The following NLRC3 variants were observed in gnomAD, a reference collection of about 807,000 sequenced individuals.
NLRC3 encodes the protein NLR family CARD domain-containing protein 3.
In NLRC3, 87 loss-of-function variants were observed where a neutral mutation model predicts 91.6. That is an observed-to-expected ratio of 0.95 (90% confidence interval 0.80 to 1.14). NLRC3 has a LOEUF of 1.14. Ranked by LOEUF, NLRC3 falls within the 50% of genes most tolerant of loss-of-function variation. The probability of loss-of-function intolerance (pLI) is 0.00; values close to 1 mark genes in which losing one functional copy is unlikely to be tolerated. For synonymous variants in NLRC3, 694 were observed against 625.3 expected, an observed-to-expected ratio of 1.11 and a Z score of -1.64; for missense variants, 1,577 against 1,418.6, an observed-to-expected ratio of 1.11 and a Z score of -1.79.
chr16:3,541,713 G>T lies in NLRC3; in HGVS notation c.*112C>A. On this transcript the variant is annotated 3_prime_UTR_variant, in exon 20 of 20. Coordinates refer to ENST00000359128, the MANE Select transcript of NLRC3 (RefSeq NM_178844.4). The stretch of plus-strand genomic sequence containing the variant: ...TTCCTCCCTGCAGAGCCCGGCTCTC[G>T]TGCTGAGCAAGCAGCGTTCCCAGCT... The T allele has an allele frequency of 1.4e-6, 1 of 719,890 alleles. No individual in the cohort carries two copies. 44.6% of individuals were successfully genotyped at this position (719,890 alleles called of 1,614,324 possible). A position where few individuals can be genotyped will look rare whatever the true frequency, so the allele number is the denominator to read the frequency against.
chr16:3,571,696 C>T (rs2040103817), intron 1 of NLRC3, among the ~76,000 whole-genome samples: 1 of 151,746 alleles, frequency 6.6e-6, no homozygotes, highest in Admixed American at 6.6e-5. Context: ...AATCCCAGCA[C>T]TTTGGGAGGC....
chr16:3,558,973 T>C (rs1362283753), intron 6 of NLRC3, among the ~76,000 whole-genome samples: 1 of 152,172 alleles, frequency 6.6e-6, no homozygotes, highest in Non-Finnish European at 1.5e-5. Flanking sequence ...GGTTTTACTT[T>C]GTTGCCGAGG....
In NLRC3 at chr16:3,563,222, T is replaced by C. The variant is rs769666384; in HGVS notation, c.1715A>G (p.His572Arg). The C allele has an allele frequency of 1.2e-6, 2 of 1,602,882 alleles. No homozygotes were observed. Among genetic ancestry groups the C allele is most frequent in the East Asian group, 4.5e-5 (2 of 44,538 alleles). The change falls in exon 5 of 20, where the codon CAT (histidine) becomes CGT (arginine). Residue 572 changes from histidine (H) to arginine (R), a missense_variant. His to Arg is a conservative substitution (Grantham distance 29, BLOSUM62 0). Coordinates refer to ENST00000359128, the MANE Select transcript of NLRC3 (RefSeq NM_178844.4). ...ARAINVLHCL[H>R]ELQHTELARS... ...GGCCAGCTCGGTGTGCTGCAGCTCA[T>C]GCAGGCAGTGCAACACGTTGATGGC...
Position 3,564,183 on chromosome 16 carries a change from T to A in NLRC3, c.754A>T (p.Ile252Phe), listed in dbSNP as rs2039763218. The change falls in exon 5 of 20, where the codon ATC becomes TTC. Residue 252 changes from isoleucine (I) to phenylalanine (F), a missense_variant. Coordinates refer to ENST00000359128, the MANE Select transcript of NLRC3 (RefSeq NM_178844.4). This position sits in a 1 kb window ranked among gnomAD's most constrained non-coding sequence, Gnocchi z 5.9. ...TCCGGAAAGAGGTTGCCACGGATGA[T>A]GTTGGTGATCAGGTGGTCCACCGGG... is the stretch of plus-strand genomic sequence containing the variant. ...EIPVDHLITN[I>F]IRGNLFPEVS... The A allele has an allele frequency of 6.2e-7, 1 of 1,613,550 alleles. No homozygotes were observed. The highest frequency in any genetic ancestry group is 8.5e-7 in the Non-Finnish European group (1 of 1,179,886).
rs781190994 is a variant in NLRC3 at position 3,563,549 on chromosome 16, G to T, written c.1388C>A (p.Ala463Glu). 11 of 1,610,960 alleles carry T rather than the reference G, an allele frequency of 6.8e-6. No homozygotes were observed. In the South Asian group the frequency reaches 1.1e-4, roughly 16 times the overall value. Reference sequence around the variant, plus strand: ...GGATGCGCCATAGTAATACGCGGCTGCCACAAACTCCTGCAGGGACAGGTG... The same window carrying T: ...GGATGCGCCATAGTAATACGCGGCTTCCACAAACTCCTGCAGGGACAGGTG... The part of the protein sequence containing the change: ...FTHLSLQEFV[A>E]AAYYYGASRR... The change falls in exon 5 of 20, where the codon GCA (alanine) becomes GAA (glutamate). Residue 463 changes from alanine (A) to glutamate (E), a missense_variant. Physicochemically the swap from Ala to Glu is moderately radical, Grantham distance 107. Transcript: ENST00000359128.
Position 3,564,513 on chromosome 16 carries a change from T to C in NLRC3, c.424A>G (p.Ile142Val), listed in dbSNP as rs773553932. ...SRVSVPPRVS[I>V]TIGVAGMGKT... Reference sequence around the variant, plus strand: ...CCCATGCCGGCCACCCCGATAGTGATGGAGACCCGGGGTGGGACAGACACC... The same window carrying C: ...CCCATGCCGGCCACCCCGATAGTGACGGAGACCCGGGGTGGGACAGACACC... Residue 142 changes from isoleucine (I) to valine (V), a missense_variant, in exon 5 of 20, where the codon ATC (isoleucine) becomes GTC (valine). Ile to Val is a conservative substitution (Grantham distance 29). Transcript: ENST00000359128. This position sits in a 1 kb window ranked among gnomAD's most constrained non-coding sequence, Gnocchi z 5.9. The C allele has an allele frequency of 5.0e-6, 8 of 1,612,180 alleles. No homozygotes were observed. The Admixed American group carries it at 1.0e-4, about 20-fold the overall frequency.
rs375055733 is a variant in NLRC3, at chr16:3,543,527, C to A, written c.2856-19G>T. On this transcript the variant is annotated intron_variant, in intron 16 of 19. Coordinates refer to ENST00000359128, the MANE Select transcript of NLRC3 (RefSeq NM_178844.4). ...CTGGAGACTGGGGCGGAGAGGGTGCCGTCAGTGTGAGCCGGCTGGGCCCAC... is the reference window on the plus strand; with the variant it reads ...CTGGAGACTGGGGCGGAGAGGGTGCAGTCAGTGTGAGCCGGCTGGGCCCAC... 1.1e-5 allele frequency: 17 copies of A among 1,599,264 alleles called. No individual in the cohort carries two copies. Among genetic ancestry groups the A allele is most frequent in the Non-Finnish European group, 1.0e-5 (12 of 1,170,024 alleles).
chr16:3,542,448 T>G (rs939349808), intron 18 of NLRC3, among the ~76,000 whole-genome samples, 174 bp from the exon 19 acceptor site: 1 of 152,142 alleles, frequency 6.6e-6, no homozygotes, highest in African/African-American at 2.4e-5. Flanking sequence ...AGTGGCCAGA[T>G]TGTCCCACGC....
chr16:3,563,797 G>T lies in NLRC3; in HGVS notation c.1140C>A (p.Gly380=), dbSNP rs562673012. 189 of 1,611,806 alleles carry T rather than the reference G, an allele frequency of 1.2e-4. No homozygotes were observed. In the South Asian group the frequency reaches 2.0e-3, roughly 17 times the overall value. ...CCTGCTCGATGCGAGGGCTTGCCTTGCCCTTCTCCTGCCCCTCCCCGCTGA... is the reference window on the plus strand; with the variant it reads ...CCTGCTCGATGCGAGGGCTTGCCTTTCCCTTCTCCTGCCCCTCCCCGCTGA... ...MALSGEGQEK[G]KASPRIEQVA... is the part of the protein sequence containing the mutation. The change falls in exon 5 of 20, where the codon GGC becomes GGA. Residue 380 remains glycine (G), a synonymous_variant. Transcript: ENST00000359128.
rs1365801375 is a variant in NLRC3 at position 3,542,743 on chromosome 16, G to A, written c.2972C>T (p.Ala991Val). 1.9e-6 allele frequency: 3 copies of A among 1,609,876 alleles called. No homozygotes were observed. The highest frequency in any genetic ancestry group is 2.7e-5 in the African/African-American group (2 of 74,856). The change falls in exon 18 of 20, where the codon GCC becomes GTC. Residue 991 changes from alanine (A) to valine (V), a missense_variant. Physicochemically the swap from Ala to Val is moderately conservative, Grantham distance 64. Coordinates refer to ENST00000359128, the MANE Select transcript of NLRC3 (RefSeq NM_178844.4). ...LRGNAIGVAG[A>V]KALANALKVN... Reference sequence around the variant, plus strand: ...CTTCAGAGCATTTGCCAGGGCTTTGGCTCCAGCCACCCCAATGGCATTTCC... The same window carrying A: ...CTTCAGAGCATTTGCCAGGGCTTTGACTCCAGCCACCCCAATGGCATTTCC...
At chr16:3,561,680 A>C in intron 6 of NLRC3, 22 bp downstream of exon 6, 1 of 1,529,250 alleles carries the variant, frequency 6.5e-7, no homozygotes, top group African/African-American at 1.4e-5. Flanking sequence ...GGCACCCTGG[A>C]GGTCCCCTGG....
intron 15 of NLRC3, 130 bp downstream of exon 15, chr16:3,548,005 G>A (rs1158663528): frequency 1.4e-5 from 9 of 645,384 alleles, no homozygotes; most frequent in Non-Finnish European, 2.5e-5. Context: ...ACTGAAACAT[G>A]CCAGCTGGCC....
intron 6 of NLRC3, among the ~76,000 whole-genome samples, chr16:3,558,575 A>C (rs1375116955): frequency 3.6e-5 from 5 of 138,400 alleles, no homozygotes; most frequent in Admixed American, 2.2e-4. Context: ...TTAAAATTAA[A>C]AAAAAACCAC....
chr16:3,577,078 C>G (rs1285791597), intron 1 of NLRC3, 71 bp downstream of exon 1: 1 of 702,674 alleles, frequency 1.4e-6, no homozygotes, highest in East Asian at 2.7e-5. Context: ...GGCCTTAAGG[C>G]CACTGTCCTT....
At position 3,562,750 on chromosome 16, in the gene NLRC3, A is replaced by G. The variant is rs1472811626; in HGVS notation, c.1928+259T>C. On this transcript the variant is annotated intron_variant, in intron 5 of 19. Coordinates refer to ENST00000359128, the MANE Select transcript of NLRC3 (RefSeq NM_178844.4). ...CTTAAGCCAAGGGTTCCCATCAAACACTGGAAGCTAGAGAGGAAGGAAAGA... is the reference window on the plus strand; with the variant it reads ...CTTAAGCCAAGGGTTCCCATCAAACGCTGGAAGCTAGAGAGGAAGGAAAGA... 4 of 578,354 alleles carry G rather than the reference A, an allele frequency of 6.9e-6. No homozygotes were observed. The East Asian group carries it at 9.0e-5, about 13-fold the overall frequency. 35.8% of individuals were successfully genotyped at this position (578,354 alleles called of 1,614,324 possible). A position where few individuals can be genotyped will look rare whatever the true frequency, so the allele number is the denominator to read the frequency against.
In NLRC3 at chr16:3,563,553, C is replaced by A; in HGVS notation, c.1384G>T (p.Val462Leu). The change falls in exon 5 of 20, where the codon GTG becomes TTG. Residue 462 changes from valine (V) to leucine (L), a missense_variant. Transcript: ENST00000359128. Reference protein sequence around the residue: ...CFTHLSLQEFVAAAYYYGASR... With the variant: ...CFTHLSLQEFLAAAYYYGASR... ...GCGCCATAGTAATACGCGGCTGCCA[C>A]AAACTCCTGCAGGGACAGGTGGGTG... 1 of 1,611,514 alleles carries A rather than the reference C, an allele frequency of 6.2e-7. No homozygotes were observed. Among genetic ancestry groups the A allele is most frequent in the Non-Finnish European group, 8.5e-7 (1 of 1,179,098 alleles).
rs933405226 is a variant in NLRC3, at chr16:3,563,944, G to A, written c.993C>T (p.Phe331=). 1 of 1,594,526 alleles carries A rather than the reference G, an allele frequency of 6.3e-7. No individual in the cohort carries two copies. The highest frequency in any genetic ancestry group is 1.3e-5 in the African/African-American group (1 of 74,752). ...ALYLMCTVPA[F]CRLTGMALGH... ...CTAGCGCCATCCCCGTGAGCCTGCA[G>A]AAGGCTGGGACGGTGCACATCAGGT... Residue 331 remains phenylalanine (F), a synonymous_variant, in exon 5 of 20, where the codon TTC becomes TTT. Coordinates refer to ENST00000359128, the MANE Select transcript of NLRC3 (RefSeq NM_178844.4).
At chr16:3,542,349 A>G (rs929719971) in intron 18 of NLRC3, 75 bp from the exon 19 acceptor site, 1 of 910,776 alleles carries the variant, frequency 1.1e-6, no homozygotes, top group Non-Finnish European at 1.8e-6. Context: ...GCAACAGTGC[A>G]TTGTCTGGGG....
rs1451545268 is a variant in NLRC3, at chr16:3,557,762, T to A, written c.2016-86A>T. 3.6e-6 allele frequency: 3 copies of A among 826,106 alleles called. No individual in the cohort carries two copies. In the East Asian group the frequency reaches 7.9e-5, roughly 22 times the overall value. 51.2% of individuals were successfully genotyped at this position (826,106 alleles called of 1,614,324 possible). A position where few individuals can be genotyped will look rare whatever the true frequency, so the allele number is the denominator to read the frequency against. On this transcript the variant is annotated intron_variant, in intron 6 of 19. Transcript: ENST00000359128. The stretch of plus-strand genomic sequence containing the variant: ...TCAACGCTGTGCCCGTGATTAATCC[T>A]CTAGGCTCCCCCACATCATCAGGGT...
Sources: gnomAD v4.1 joint callset for allele counts (sites outside exome capture counted in the v4.1 genomes callset) on GRCh38, gnomAD v4.1.1 for gene constraint, Gnocchi (gnomAD v3.1) non-coding constraint, MANE v1.5 for transcripts, NCBI Gene and HGNC (gene_info 2026-07-23, HGNC 2026-07-21) for gene names.